Variants in CSNK1G1 observed in about 807,000 individuals in gnomAD.
CSNK1G1 encodes casein kinase 1 gamma 1.
Under a neutral mutation model 59.6 loss-of-function variants are expected in CSNK1G1, and 22 were observed. The ratio of observed to expected loss-of-function variants is 0.37; its 90% confidence interval spans 0.26 to 0.53. The LOEUF (loss-of-function observed/expected upper bound fraction) is 0.53. Among genes scored for constraint, CSNK1G1 ranks in the 20% least tolerant of loss-of-function variants. The probability of loss-of-function intolerance (pLI) is 0.89; values close to 1 mark genes in which losing one functional copy is unlikely to be tolerated. For synonymous variants in CSNK1G1, 179 were observed against 177.1 expected, an observed-to-expected ratio of 1.01 and a Z score of -0.08; for missense variants, 384 against 519.5, an observed-to-expected ratio of 0.74 and a Z score of 2.54.
chr15:64,349,556 G>C (rs1202182085), intron 1 of CSNK1G1, among the ~76,000 whole-genome samples: 3 of 152,168 alleles, frequency 2.0e-5, no homozygotes, highest in African/African-American at 7.2e-5. Context: ...TGTGGGGACA[G>C]TCCATCTGTC....
intron 10 of CSNK1G1, among the ~76,000 whole-genome samples, chr15:64,196,565 C>T (rs1001836424): frequency 6.6e-6 from 1 of 151,984 alleles, no homozygotes; most frequent in African/African-American, 2.4e-5. Flanking sequence ...GATTCTTCTG[C>T]CTTAGCCTCC....
chr15:64,310,445 G>C (rs970486130), intron 1 of CSNK1G1, among the ~76,000 whole-genome samples: 1 of 151,964 alleles, frequency 6.6e-6, no homozygotes, highest in African/African-American at 2.4e-5. Flanking sequence ...CCTGGGCACG[G>C]TGGCTCATAC....
chr15:64,295,529 C>G (rs909632171), intron 2 of CSNK1G1, among the ~76,000 whole-genome samples: 3 of 152,180 alleles, frequency 2.0e-5, no homozygotes, highest in African/African-American at 7.2e-5. Flanking sequence ...AAAGGCCCTG[C>G]TACTTCTGAC....
chr15:64,181,226 T>C (rs2081808957), intron 10 of CSNK1G1: 1 of 1,535,314 alleles, frequency 6.5e-7, no homozygotes, highest in Non-Finnish European at 8.7e-7. Context: ...ATCCCAGTTC[T>C]CACTGATGGT....
chr15:64,171,970 A>G lies in CSNK1G1; in HGVS notation c.1230T>C (p.Phe410=), dbSNP rs572581738. ...GAGCAGTCTTCTTCCTTTTCCTCTT[A>G]AAGAAACAGCAGCACCTGGAGCACA... ...VVEEAKCCCF[F]KRKRKKTAQR... Residue 410 remains phenylalanine, a synonymous_variant, in exon 12 of 12, where the codon TTT becomes TTC. Coordinates refer to ENST00000303052, the MANE Select transcript of CSNK1G1 (RefSeq NM_022048.5). The surrounding 1 kb of genome is among the most constrained non-coding windows in gnomAD (Gnocchi z 4.8). 1.2e-6 allele frequency: 2 copies of G among 1,614,112 alleles called. No individual in the cohort carries two copies. Among genetic ancestry groups the G allele is most frequent in the South Asian group, 2.2e-5 (2 of 91,082 alleles).
chr15:64,252,365 C>A (rs1432326542), intron 3 of CSNK1G1, among the ~76,000 whole-genome samples: 2 of 151,932 alleles, frequency 1.3e-5, no homozygotes, highest in Admixed American at 1.3e-4. Flanking sequence ...TGTGTGCCAC[C>A]ACTCACAGCT....
rs143756700 is a variant in CSNK1G1, at chr15:64,188,823, G to C, written c.1108-8369C>G. On this transcript the variant is annotated intron_variant, in intron 10 of 11. Coordinates refer to ENST00000303052, the MANE Select transcript of CSNK1G1 (RefSeq NM_022048.5). The surrounding 1 kb of genome is among the most constrained non-coding windows in gnomAD (Gnocchi z 4.2). ...GTAAAATTTCAGTAGCCACTAAGCAGATCAAACTCAGAATGTTAAGATTGT... is the reference window on the plus strand; with the variant it reads ...GTAAAATTTCAGTAGCCACTAAGCACATCAAACTCAGAATGTTAAGATTGT... Among the ~76,000 whole-genome samples the C allele has an allele frequency of 1.1e-4, 17 of 152,234 alleles. No individual in the cohort carries two copies. The highest frequency in any genetic ancestry group is 1.9e-4 in the Non-Finnish European group (13 of 68,010).
chr15:64,341,593 C>A (rs2140476212), intron 1 of CSNK1G1, among the ~76,000 whole-genome samples: 1 of 152,302 alleles, frequency 6.6e-6, no homozygotes, highest in South Asian at 2.1e-4. Flanking sequence ...TTGCCTCAAT[C>A]TCTTGAGTAG....
At chr15:64,206,539 G>A (rs1443377546) in intron 7 of CSNK1G1, among the ~76,000 whole-genome samples, 1 of 149,720 alleles carries the variant, frequency 6.7e-6, no homozygotes, top group East Asian at 2.0e-4. Context: ...CCTGGGAGGT[G>A]GAGGTTGCAG....
chr15:64,300,272 A>G, intron 2 of CSNK1G1, 47 bp downstream of exon 2: 1 of 1,550,154 alleles, frequency 6.5e-7, no homozygotes, highest in Non-Finnish European at 8.9e-7. Context: ...AAAGCTTATC[A>G]TAGGTATTGT....
At chr15:64,178,272 G>A (rs750340500) in intron 11 of CSNK1G1, among the ~76,000 whole-genome samples, 5 of 152,126 alleles carry the variant, frequency 3.3e-5, no homozygotes, top group African/African-American at 1.2e-4. Context: ...GAGAATAGGA[G>A]CATGTTTCCT....
At position 64,204,933 on chromosome 15, in the gene CSNK1G1, T is replaced by C. The variant is rs746029206; in HGVS notation, c.782A>G (p.Glu261Gly). 15 of 1,602,212 alleles carry C rather than the reference T, an allele frequency of 9.4e-6. No individual in the cohort carries two copies. In the South Asian group the frequency reaches 1.7e-4, roughly 18 times the overall value. ...WQGLKADTLK[E>G]RYQKIGDTKR... is the part of the protein sequence containing the mutation. ...GGTGTCACCAATTTTTTGATATCTC[T>C]CTTTTAATGTGTCAGCCTGTAGAGA... Residue 261 changes from glutamate to glycine, a missense_variant, in exon 8 of 12, where the codon GAG becomes GGG. Physicochemically the swap from Glu to Gly is moderately conservative, Grantham distance 98. Around this residue, in one of 3 missense-constraint regions of CSNK1G1, gnomAD observed 325 missense variants for 440.9 expected, o/e 0.74. Coordinates refer to ENST00000303052, the MANE Select transcript of CSNK1G1 (RefSeq NM_022048.5).
At chr15:64,338,003 G>A (rs1897480104) in intron 1 of CSNK1G1, among the ~76,000 whole-genome samples, 1 of 152,142 alleles carries the variant, frequency 6.6e-6, no homozygotes. Flanking sequence ...ACTACATATT[G>A]TTTATGCACT....
chr15:64,324,868 G>C (rs1232218861), intron 1 of CSNK1G1, among the ~76,000 whole-genome samples: 2 of 152,106 alleles, frequency 1.3e-5, no homozygotes, highest in Non-Finnish European at 2.9e-5. Flanking sequence ...AATGCACATG[G>C]TATTATAAGA....
At chr15:64,312,427 A>G (rs1596261398) in intron 1 of CSNK1G1, among the ~76,000 whole-genome samples, 1 of 152,374 alleles carries the variant, frequency 6.6e-6, no homozygotes, top group East Asian at 1.9e-4. Context: ...ATGGAACAGA[A>G]CAGTGGCCTC....
rs199625961 is a variant in CSNK1G1 at position 64,307,678 on chromosome 15, T to TA, written c.-224-6956dup. ...CTTATGAAACATCTTGTCAGCAACT[T>TA]ACTTGTTTTTGATTTTGTTTTTGTT... On this transcript the variant is annotated intron_variant, in intron 1 of 11. Transcript: ENST00000303052. 3.9e-3 allele frequency among the ~76,000 whole-genome samples: 599 copies of TA among 152,200 alleles called. 7 individuals are homozygous for TA. The highest frequency in any genetic ancestry group is 0.014 in the African/African-American group (580 of 41,548).
At chr15:64,192,429 A>G (rs939648326) in intron 10 of CSNK1G1, among the ~76,000 whole-genome samples, 1 of 152,254 alleles carries the variant, frequency 6.6e-6, no homozygotes, top group Non-Finnish European at 1.5e-5. Flanking sequence ...ACAAGAAAGT[A>G]GCAATCCAGC....
chr15:64,255,451 A>G (rs903465142), intron 3 of CSNK1G1, among the ~76,000 whole-genome samples: 2 of 152,170 alleles, frequency 1.3e-5, no homozygotes, highest in African/African-American at 4.8e-5. Context: ...CTGATGTTGA[A>G]CAAGTTTCAT....
At chr15:64,269,542 G>A (rs931022517) in intron 2 of CSNK1G1, among the ~76,000 whole-genome samples, 1 of 147,660 alleles carries the variant, frequency 6.8e-6, no homozygotes, top group Non-Finnish European at 1.5e-5. Context: ...GGCCCAGGCT[G>A]GAGTGCAGTG....
Sources: gnomAD v4.1 joint callset for allele counts (sites outside exome capture counted in the v4.1 genomes callset) on GRCh38, gnomAD v4.1.1 for gene constraint, gnomAD v4.1.1 regional missense constraint, Gnocchi (gnomAD v3.1) non-coding constraint, MANE v1.5 for transcripts, NCBI Gene and HGNC (gene_info 2026-07-23, HGNC 2026-07-21) for gene names.